Variants in SAMD4A observed in about 807,000 individuals in gnomAD.
The protein encoded by SAMD4A is protein Smaug homolog 1.
SAMD4A carries 33 observed loss-of-function variants against 81.3 expected under a neutral mutation model. That is an observed-to-expected ratio of 0.41 (90% CI 0.31 to 0.54). The LOEUF (loss-of-function observed/expected upper bound fraction) is 0.54. Ranked by LOEUF, SAMD4A falls within the 20% of genes least tolerant of loss-of-function variation. SAMD4A has a pLI of 0.37. For missense variants in SAMD4A, 854 were observed against 951.1 expected, an observed-to-expected ratio of 0.90 and a Z score of 1.34; for synonymous variants, 389 against 382.1, an observed-to-expected ratio of 1.02 and a Z score of -0.21.
At chr14:54,767,853 C>T (rs2038592982) in intron 8 of SAMD4A, among the ~76,000 whole-genome samples, 1 of 152,242 alleles carries the variant, frequency 6.6e-6, no homozygotes, top group Admixed American at 6.5e-5. Flanking sequence ...CCGAGCACCA[C>T]ATCCCCAGCT....
At chr14:54,778,334 AT>A (rs141946352) in intron 11 of SAMD4A, among the ~76,000 whole-genome samples, 1,977 of 152,264 alleles carry the variant, frequency 0.013, 42 homozygotes, top group African/African-American at 0.045. Flanking sequence ...TCTTCCACCT[AT>A]ACCTTTGTTT....
intron 3 of SAMD4A, among the ~76,000 whole-genome samples, chr14:54,712,482 G>T (rs1172397083): frequency 6.6e-6 from 1 of 152,066 alleles, no homozygotes; most frequent in Non-Finnish European, 1.5e-5. Context: ...TTTTAGTATG[G>T]CACTGGCCTT....
At chr14:54,625,219 T>C (rs1416976727) in intron 2 of SAMD4A, among the ~76,000 whole-genome samples, 1 of 152,240 alleles carries the variant, frequency 6.6e-6, no homozygotes, top group Non-Finnish European at 1.5e-5. Flanking sequence ...TCTATAAATA[T>C]TTCTGTAGAC....
At chr14:54,652,216 T>C (rs1012503955) in intron 2 of SAMD4A, among the ~76,000 whole-genome samples, 6 of 152,268 alleles carry the variant, frequency 3.9e-5, no homozygotes, top group African/African-American at 1.2e-4. Context: ...ATTTGTGTGT[T>C]TCCTGGCCAT....
chr14:54,621,857 T>C (rs1485087325), intron 2 of SAMD4A, among the ~76,000 whole-genome samples: 5 of 152,198 alleles, frequency 3.3e-5, no homozygotes, highest in African/African-American at 1.2e-4. Flanking sequence ...ACTAGACTCA[T>C]ATCTGTTAAT....
intron 2 of SAMD4A, among the ~76,000 whole-genome samples, chr14:54,595,496 A>G (rs911830944): frequency 6.6e-5 from 10 of 150,838 alleles, no homozygotes; most frequent in Non-Finnish European, 1.5e-4. Context: ...TAAACGAACT[A>G]AAAAAATCTA....
At chr14:54,737,390 C>T (rs1473207704) in intron 4 of SAMD4A, 103 bp downstream of exon 4, 2 of 1,362,242 alleles carry the variant, frequency 1.5e-6, no homozygotes, top group Non-Finnish European at 2.0e-6. Flanking sequence ...AGGAGCCCAC[C>T]CCTTCCCCAG....
At chr14:54,767,084 C>T (rs1042372043) in intron 8 of SAMD4A, among the ~76,000 whole-genome samples, 57 of 152,052 alleles carry the variant, frequency 3.7e-4, no homozygotes, top group African/African-American at 1.3e-3. Flanking sequence ...GAGGGGCCTG[C>T]GTGCTGCTTT....
At chr14:54,678,799 C>T (rs1288699626) in intron 2 of SAMD4A, among the ~76,000 whole-genome samples, 4 of 152,110 alleles carry the variant, frequency 2.6e-5, no homozygotes, top group Non-Finnish European at 5.9e-5. Context: ...CCGCCCGCCT[C>T]GGCCTCCCAA....
chr14:54,771,796 G>A (rs2038713242), intron 9 of SAMD4A, among the ~76,000 whole-genome samples: 1 of 152,202 alleles, frequency 6.6e-6, no homozygotes. Context: ...AGATGGGGCG[G>A]CTCTTTGCTG....
chr14:54,697,804 A>G (rs916301085), intron 2 of SAMD4A, among the ~76,000 whole-genome samples: 2 of 152,220 alleles, frequency 1.3e-5, no homozygotes, highest in African/African-American at 4.8e-5. Flanking sequence ...GCAGTTGTCC[A>G]AAGGCTTATC....
rs142646721 is a variant in SAMD4A, at chr14:54,729,803, G to A, written c.716-7221G>A. ...AGTTGTCATTGGTTTTGATAGGATG[G>A]AATGAGAGGATTGAGGTAGTGTCCT... On this transcript the variant is annotated intron_variant, in intron 3 of 12. Coordinates refer to ENST00000554335, the MANE Select transcript of SAMD4A (RefSeq NM_015589.6). Among the ~76,000 whole-genome samples, 350 of 152,310 alleles carry A rather than the reference G, an allele frequency of 2.3e-3. 7 individuals are homozygous for A. Among genetic ancestry groups the A allele is most frequent in the East Asian group, 0.019 (97 of 5,186 alleles).
chr14:54,764,569 T>A (rs774497313), intron 8 of SAMD4A, 29 bp downstream of exon 8: 1 of 1,029,482 alleles, frequency 9.7e-7, no homozygotes, highest in South Asian at 1.7e-5. Flanking sequence ...TACAAAACCA[T>A]TTTTTTTTTA....
At chr14:54,690,983 C>T (rs2140660655) in intron 2 of SAMD4A, among the ~76,000 whole-genome samples, 1 of 152,224 alleles carries the variant, frequency 6.6e-6, no homozygotes, top group East Asian at 1.9e-4. Context: ...GGTTTGTTTC[C>T]AGGAAGGAGC....
At chr14:54,709,813 G>C (rs1032903052) in intron 3 of SAMD4A, among the ~76,000 whole-genome samples, 1 of 152,146 alleles carries the variant, frequency 6.6e-6, no homozygotes, top group Non-Finnish European at 1.5e-5. Flanking sequence ...CTCTAGGTTT[G>C]CTTCCTGTCT....
At chr14:54,629,425 A>G (rs1401909254) in intron 2 of SAMD4A, among the ~76,000 whole-genome samples, 1 of 152,228 alleles carries the variant, frequency 6.6e-6, no homozygotes, top group Non-Finnish European at 1.5e-5. Context: ...TTTTTATTGT[A>G]CCAGATTCAA....
intron 2 of SAMD4A, among the ~76,000 whole-genome samples, chr14:54,571,641 C>T (rs2033131778): frequency 6.6e-6 from 1 of 152,040 alleles, no homozygotes; most frequent in Non-Finnish European, 1.5e-5. Flanking sequence ...ACAATAAATT[C>T]CTATACTTAT....
chr14:54,702,660 G>A, intron 3 of SAMD4A, 80 bp downstream of exon 3: 1 of 1,488,606 alleles, frequency 6.7e-7, no homozygotes, highest in Non-Finnish European at 9.2e-7. Context: ...GACAGTGTCT[G>A]CTCCATGCAC....
chr14:54,740,360 A>G (rs1386754560), intron 4 of SAMD4A, among the ~76,000 whole-genome samples: 1 of 152,202 alleles, frequency 6.6e-6, no homozygotes, highest in East Asian at 1.9e-4. Context: ...ATCTAATGCT[A>G]TTATTCTAAT....
Sources: allele counts gnomAD v4.1 joint callset (sites outside exome capture counted in the v4.1 genomes callset), GRCh38; gene constraint gnomAD v4.1.1; transcripts MANE v1.5; gene names NCBI Gene and HGNC (gene_info 2026-07-23, HGNC 2026-07-21).